NIBAN2: variants seen among roughly 807,000 people sequenced by gnomAD.
The protein encoded by NIBAN2 is niban apoptosis regulator 2, also known as protein Niban 2.
NIBAN2 carries 36 observed loss-of-function variants against 81.8 expected under a neutral mutation model. That is an observed-to-expected ratio of 0.44 (90% confidence interval 0.34 to 0.58). NIBAN2 has a LOEUF of 0.58. Among genes scored for constraint, NIBAN2 ranks in the 20% least tolerant of loss-of-function variants. The pLI, the probability that NIBAN2 is intolerant of heterozygous loss-of-function variation, is 0.02. For synonymous variants in NIBAN2, 445 were observed against 441.6 expected (o/e 1.01, Z -0.10); for missense variants, 897 against 1,014.1 (o/e 0.88, Z 1.57).
At chr9:127,547,431 C>A (rs909882424) in intron 1 of NIBAN2, among the ~76,000 whole-genome samples, 1 of 152,146 alleles carries the variant, frequency 6.6e-6, no homozygotes, top group Non-Finnish European at 1.5e-5. Flanking sequence ...GCAGGAGAAT[C>A]GCTTGAACCT....
At chr9:127,578,799 T>C in intron 1 of NIBAN2, 1 of 895,418 alleles carries the variant, frequency 1.1e-6, no homozygotes, top group Non-Finnish European at 1.7e-6. Context: ...TGAGGCTGCA[T>C]TGAGCTATGA....
chr9:127,558,677 T>C (rs1304919373), intron 1 of NIBAN2, among the ~76,000 whole-genome samples: 1 of 152,034 alleles, frequency 6.6e-6, no homozygotes, highest in Non-Finnish European at 1.5e-5. Context: ...AACTCAGCTC[T>C]CTTTTCTACC....
At chr9:127,551,291 G>C (rs1186236875) in intron 1 of NIBAN2, among the ~76,000 whole-genome samples, 5 of 152,164 alleles carry the variant, frequency 3.3e-5, no homozygotes, top group Admixed American at 1.3e-4. Flanking sequence ...GGGAGGCTGA[G>C]ATGGGCAGAT....
chr9:127,574,985 C>T (rs1376264643), intron 1 of NIBAN2, among the ~76,000 whole-genome samples: 3 of 152,234 alleles, frequency 2.0e-5, no homozygotes, highest in African/African-American at 7.2e-5. Context: ...TGCCTCCAGC[C>T]CCCCATGCAT....
intron 9 of NIBAN2, 61 bp from the exon 10 acceptor site, chr9:127,509,192 C>A (rs548651166): frequency 6.6e-6 from 10 of 1,504,478 alleles, no homozygotes; most frequent in South Asian, 2.4e-5. Flanking sequence ...CAGCACCCCC[C>A]ACACACTTTG....
intron 1 of NIBAN2, among the ~76,000 whole-genome samples, chr9:127,539,344 T>C (rs1165961877): frequency 6.6e-6 from 1 of 152,164 alleles, no homozygotes; most frequent in African/African-American, 2.4e-5. Context: ...TTCCACTCTC[T>C]TGCTGGGGTC....
chr9:127,573,438 A>G (rs763081093), upstream of NIBAN2, among the ~76,000 whole-genome samples: 2 of 133,752 alleles, frequency 1.5e-5, no homozygotes, highest in Non-Finnish European at 3.1e-5. Flanking sequence ...GAAGGAATGA[A>G]GTTATTTGCC....
At chr9:127,570,771 G>C (rs1837937538), upstream of NIBAN2, among the ~76,000 whole-genome samples, 1 of 152,248 alleles carries the variant, frequency 6.6e-6, no homozygotes, top group South Asian at 2.1e-4. Flanking sequence ...CAGCCTTTGA[G>C]GGCCGGGATG....
chr9:127,508,608 G>T lies in NIBAN2; in HGVS notation c.1318-70C>A. ...AGCCCCTTCCTGGGTGCCGCTGAGG[G>T]GTCCTCATCCTCAACCAGCCCCCCA... On this transcript the variant is annotated intron_variant, in intron 10 of 13. Coordinates refer to ENST00000373312, the MANE Select transcript of NIBAN2 (RefSeq NM_022833.4). This position sits in a 1 kb window ranked among gnomAD's most constrained non-coding sequence, Gnocchi z 6.4. 1 of 1,313,184 alleles carries T rather than the reference G, an allele frequency of 7.6e-7. No individual in the cohort carries two copies. The highest frequency in any genetic ancestry group is 1.1e-6 in the Non-Finnish European group (1 of 913,004). 81.3% of individuals were successfully genotyped at this position (1,313,184 alleles called of 1,614,324 possible).
Position 127,516,889 on chromosome 9 carries a change from G to A in NIBAN2, c.941C>T (p.Thr314Ile), listed in dbSNP as rs141392004. 1 of 1,614,096 alleles carries A rather than the reference G, an allele frequency of 6.2e-7. No homozygotes were observed. The highest frequency in any genetic ancestry group is 8.5e-7 in the Non-Finnish European group (1 of 1,180,030). Residue 314 changes from threonine to isoleucine, a missense_variant, in exon 8 of 14, where the codon ACC (threonine) becomes ATC (isoleucine). Thr to Ile is a moderately conservative substitution (Grantham distance 89). Around this residue, in one of 3 missense-constraint regions of NIBAN2, gnomAD observed 619 missense variants for 691.0 expected, o/e 0.90. Coordinates refer to ENST00000373312, the MANE Select transcript of NIBAN2 (RefSeq NM_022833.4). ...CTTGCTGGCAAGGTGCTCCTTGGAGGTGATAATTTGGTCCATGTCAGTTCG... is the reference window on the plus strand; with the variant it reads ...CTTGCTGGCAAGGTGCTCCTTGGAGATGATAATTTGGTCCATGTCAGTTCG... ...VIRTDMDQII[T>I]SKEHLASKIR...
chr9:127,570,233 C>G (rs1410106010), upstream of NIBAN2, among the ~76,000 whole-genome samples: 1 of 152,192 alleles, frequency 6.6e-6, no homozygotes, highest in Non-Finnish European at 1.5e-5. Flanking sequence ...TTGCTGAGCA[C>G]CTGTACTTCA....
At chr9:127,565,977 C>T (rs1042636516) in intron 1 of NIBAN2, among the ~76,000 whole-genome samples, 4 of 150,290 alleles carry the variant, frequency 2.7e-5, no homozygotes, top group Non-Finnish European at 5.9e-5. Flanking sequence ...CACACACACA[C>T]ACAAATTAGC....
intron 1 of NIBAN2, among the ~76,000 whole-genome samples, chr9:127,541,056 TACAGTCCAGGG>T (rs1196037116): frequency 6.6e-6 from 1 of 152,120 alleles, no homozygotes; most frequent in African/African-American, 2.4e-5. Context: ...CCACCCACCC[TACAGTCCAGGG>T]ACCAGCAGAG....
At chr9:127,577,665 G>C (rs1242620834) in intron 1 of NIBAN2, among the ~76,000 whole-genome samples, 1 of 151,890 alleles carries the variant, frequency 6.6e-6, no homozygotes, top group African/African-American at 2.4e-5. Context: ...CAATCCTAGA[G>C]TTCAGCTCTT....
rs1357674150 is a variant in NIBAN2, at chr9:127,507,330, G to A, written c.1756C>T (p.Pro586Ser). Reference protein sequence around the residue: ...PNLHLLAEGAPIDWGEEYSNS... With the variant: ...PNLHLLAEGASIDWGEEYSNS... ...CTGTACTCCTCGCCCCAGTCGATGG[G>A]GGCGCCCTCGGCCAGCAGGTGCAGG... is the stretch of plus-strand genomic sequence containing the variant. The change falls in exon 14 of 14, where the codon CCC (proline) becomes TCC (serine). Residue 586 changes from proline (P) to serine (S), a missense_variant. By Grantham distance (74) the Pro-to-Ser change is moderately conservative. Transcript: ENST00000373312. The surrounding 1 kb of genome is among the most constrained non-coding windows in gnomAD (Gnocchi z 6.8). 1.3e-6 allele frequency: 2 copies of A among 1,558,556 alleles called. No individual in the cohort carries two copies. Among genetic ancestry groups the A allele is most frequent in the Non-Finnish European group, 1.7e-6 (2 of 1,149,018 alleles).
chr9:127,551,087 C>T (rs1390537409), intron 1 of NIBAN2, among the ~76,000 whole-genome samples: 1 of 152,064 alleles, frequency 6.6e-6, no homozygotes, highest in Non-Finnish European at 1.5e-5. Flanking sequence ...GATGGAACGG[C>T]ACTTTGAAAA....
chr9:127,542,400 C>T (rs539891361), intron 1 of NIBAN2, among the ~76,000 whole-genome samples: 4 of 152,328 alleles, frequency 2.6e-5, no homozygotes, highest in Middle Eastern at 3.4e-3. Flanking sequence ...AGCACCCCTG[C>T]TCCTGGGGCA....
rs1837280345 is a variant in NIBAN2 at position 127,536,456 on chromosome 9, GC to G, written c.56-4679del. The stretch of plus-strand genomic sequence containing the variant: ...ACCCAGTACCCCACTTTTCCTTCTT[GC>G]TCCCTGCAGTGGCTCTCCCCCGGCA... On this transcript the variant is annotated intron_variant, in intron 1 of 13. Transcript: ENST00000373312. The surrounding 1 kb of genome is among the most constrained non-coding windows in gnomAD (Gnocchi z 4.0). 6.6e-6 allele frequency among the ~76,000 whole-genome samples: 1 copy of G among 152,192 alleles called. No homozygotes were observed. The highest frequency in any genetic ancestry group is 1.5e-5 in the Non-Finnish European group (1 of 68,018).
chr9:127,531,567 C>G, intron 2 of NIBAN2, 81 bp downstream of exon 2: 1 of 1,413,530 alleles, frequency 7.1e-7, no homozygotes, highest in Non-Finnish European at 9.7e-7. Context: ...GAAACTGAGG[C>G]CCAGAAAAGT....
Sources: gnomAD v4.1 joint callset for allele counts (sites outside exome capture counted in the v4.1 genomes callset) on GRCh38, gnomAD v4.1.1 for gene constraint, gnomAD v4.1.1 regional missense constraint, Gnocchi (gnomAD v3.1) non-coding constraint, MANE v1.5 for transcripts, NCBI Gene and HGNC (gene_info 2026-07-23, HGNC 2026-07-21) for gene names.